Variants in ASMT observed in about 807,000 individuals in gnomAD.
ASMT encodes acetylserotonin O-methyltransferase.
Under a neutral mutation model 41.3 loss-of-function variants are expected in ASMT, and 53 were observed. The ratio of observed to expected loss-of-function variants is 1.28; its 90% CI spans 1.03 to 1.61. The LOEUF (loss-of-function observed/expected upper bound fraction) is 1.61. Ranked by LOEUF, ASMT falls within the 40% of genes most tolerant of loss-of-function variation. The pLI is 0.00. For synonymous variants in ASMT, 231 were observed against 184.8 expected (o/e 1.25, Z -2.03); for missense variants, 531 against 441.3 (o/e 1.20, Z -1.82).
chrX:1,616,848 A>T (rs1461704400), intron 1 of ASMT, among the ~76,000 whole-genome samples: 2 of 151,472 alleles, frequency 1.3e-5, no homozygotes, highest in Non-Finnish European at 3.0e-5. Flanking sequence ...AGCTGGGATT[A>T]CAGGCACCCG....
rs760022911 is a variant in ASMT, at chrX:1,633,183, C to A, written c.680C>A (p.Ser227Tyr). The change falls in exon 7 of 9, where the codon TCT (serine) becomes TAT (tyrosine). Residue 227 changes from serine to tyrosine, a missense_variant. Ser to Tyr is a moderately radical substitution (Grantham distance 144). Coordinates refer to ENST00000381241, the MANE Select transcript of ASMT (RefSeq NM_001171038.2). Reference sequence around the variant, plus strand: ...GGAGCTCTGGCTAAGGAATGCATGTCTCTGTACCCTGGATGTAAGATCACC... The same window carrying A: ...GGAGCTCTGGCTAAGGAATGCATGTATCTGTACCCTGGATGTAAGATCACC... The part of the protein sequence containing the change: ...GAGALAKECM[S>Y]LYPGCKITVF... The A allele has an allele frequency of 2.5e-6, 4 of 1,613,746 alleles. No homozygotes were observed. The highest frequency in any genetic ancestry group is 3.4e-6 in the Non-Finnish European group (4 of 1,179,858).
At chrX:1,620,117 T>G (rs1417819666) in intron 1 of ASMT, among the ~76,000 whole-genome samples, 1 of 122,118 alleles carries the variant, frequency 8.2e-6, no homozygotes, top group African/African-American at 3.0e-5. Flanking sequence ...AATAAATAAA[T>G]AAAAAAGAAA....
chrX:1,623,107 C>T lies in ASMT; in HGVS notation c.70-32C>T, dbSNP rs1569372152. On this transcript the variant is annotated intron_variant, in intron 1 of 8. Transcript: ENST00000381241. ...AGACTGTGGTTCCCAGGAGGCTGAG[C>T]CCTGACCTTTTATTTCCGCTCCTGC... The T allele has an allele frequency of 5.6e-6, 9 of 1,611,628 alleles. No homozygotes were observed. The Admixed American group carries it at 1.5e-4, about 27-fold the overall frequency.
chrX:1,633,980 C>A (rs1465255979), intron 7 of ASMT, among the ~76,000 whole-genome samples: 1 of 151,882 alleles, frequency 6.6e-6, no homozygotes, highest in Non-Finnish European at 1.5e-5. Flanking sequence ...ACCGTGTTGA[C>A]CAGGCTGGTC....
intron 1 of ASMT, among the ~76,000 whole-genome samples, chrX:1,622,712 G>A (rs1465439216): frequency 6.7e-6 from 1 of 149,556 alleles, no homozygotes; most frequent in Non-Finnish European, 1.5e-5. Context: ...AGAAGTTCGA[G>A]ACCAGCCTGG....
chrX:1,630,862 C>A (rs1401192904), intron 5 of ASMT, among the ~76,000 whole-genome samples: 1 of 143,388 alleles, frequency 7.0e-6, no homozygotes, highest in Non-Finnish European at 1.5e-5. Context: ...CCAGGCTGAG[C>A]TGAGCTTGTT....
Position 1,643,077 on chromosome X carries a change from C to T in ASMT, c.*63C>T. 1 of 1,539,234 alleles carries T rather than the reference C, an allele frequency of 6.5e-7. No individual in the cohort carries two copies. Among genetic ancestry groups the T allele is most frequent in the South Asian group, 1.1e-5 (1 of 89,508 alleles). On this transcript the variant is annotated 3_prime_UTR_variant, in exon 9 of 9. Coordinates refer to ENST00000381241, the MANE Select transcript of ASMT (RefSeq NM_001171038.2). ...AAGACATAATAATAAAGACATGTAC[C>T]TCCAGTGGCTTCTTGTTCTTGGTGT...
chrX:1,616,256 T>A (rs1354527529), intron 1 of ASMT, among the ~76,000 whole-genome samples: 2 of 151,428 alleles, frequency 1.3e-5, no homozygotes, highest in African/African-American at 2.4e-5. Flanking sequence ...CTCGAACTCC[T>A]GACCTCAAGT....
chrX:1,615,244 C>T lies in ASMT; in HGVS notation c.45C>T (p.Tyr15=), dbSNP rs146829905. ...AGGCCTATCGCCTCCTTAATGACTA[C>T]GCCAACGGCTTCATGGTGTCCCAGG... The part of the protein sequence containing the change: ...EDQAYRLLND[Y]ANGFMVSQVL... The change falls in exon 1 of 9, where the codon TAC becomes TAT. Residue 15 remains tyrosine (Y), a synonymous_variant. Transcript: ENST00000381241. 207 of 1,597,324 alleles carry T rather than the reference C, an allele frequency of 1.3e-4. No individual in the cohort carries two copies. Among genetic ancestry groups the T allele is most frequent in the African/African-American group, 4.6e-4 (34 of 74,622 alleles).
intron 7 of ASMT, among the ~76,000 whole-genome samples, chrX:1,634,884 T>C (rs6588811): frequency 0.28 from 41,750 of 150,422 alleles, 5,963 homozygotes; most frequent in African/African-American, 0.34. Flanking sequence ...CCAGGCTGGT[T>C]TTGAATTCCT....
intron 1 of ASMT, among the ~76,000 whole-genome samples, chrX:1,621,055 C>T (rs1197204757): frequency 4.6e-5 from 7 of 152,144 alleles, no homozygotes; most frequent in East Asian, 1.9e-4. Flanking sequence ...GAGATTGCAC[C>T]GCTGCACTCC....
rs549054957 is a variant in ASMT at position 1,629,812 on chromosome X, G to C, written c.444-9G>C. The stretch of plus-strand genomic sequence containing the variant: ...TCACCATCTTGACAAGCGTGGTTTT[G>C]CATGCCAGGTCCGAGGGCGAGCGGC... On this transcript the variant is annotated splice_polypyrimidine_tract_variant and intron_variant, in intron 4 of 8. Coordinates refer to ENST00000381241, the MANE Select transcript of ASMT (RefSeq NM_001171038.2). 7 of 1,613,730 alleles carry C rather than the reference G, an allele frequency of 4.3e-6. No homozygotes were observed. The highest frequency in any genetic ancestry group is 4.5e-5 in the East Asian group (2 of 44,872).
intron 1 of ASMT, among the ~76,000 whole-genome samples, chrX:1,619,497 A>G (rs1169467034): frequency 6.7e-5 from 10 of 149,678 alleles, no homozygotes; most frequent in Non-Finnish European, 1.2e-4. Flanking sequence ...TGGCACATGT[A>G]TACCTGTGCA....
chrX:1,617,773 G>A (rs1317419682), intron 1 of ASMT, among the ~76,000 whole-genome samples: 21 of 151,590 alleles, frequency 1.4e-4, no homozygotes, highest in Middle Eastern at 6.9e-3. Context: ...GTTCCAACAC[G>A]CCCAGATAAT....
Position 1,636,639 on chromosome X carries a change from A to C in ASMT, c.910+79A>C, listed in dbSNP as rs1385895066. 2.5e-6 allele frequency: 4 copies of C among 1,609,074 alleles called. No homozygotes were observed. In the African/African-American group the frequency reaches 4.0e-5, roughly 16 times the overall value. On this transcript the variant is annotated intron_variant, in intron 8 of 8. Coordinates refer to ENST00000381241, the MANE Select transcript of ASMT (RefSeq NM_001171038.2). Reference sequence around the variant, plus strand: ...TACGAGTCACATTTAGAAGGCAGGCACTGAAATCATCCCACAGGTAAGGGT... The same window carrying C: ...TACGAGTCACATTTAGAAGGCAGGCCCTGAAATCATCCCACAGGTAAGGGT...
chrX:1,630,055 T>G, intron 5 of ASMT, 116 bp downstream of exon 5: 1 of 974,548 alleles, frequency 1.0e-6, no homozygotes, highest in Non-Finnish European at 1.7e-6. Flanking sequence ...GCGGCCTTAC[T>G]GGTCTTAGAG....
chrX:1,621,893 G>C (rs6644637), intron 1 of ASMT, among the ~76,000 whole-genome samples: 104,272 of 151,474 alleles, frequency 0.69, 37,032 homozygotes, highest in African/African-American at 0.88. Context: ...TGGGGTTTCT[G>C]CACGTTGGTC....
intron 1 of ASMT, among the ~76,000 whole-genome samples, chrX:1,620,216 G>T (rs1157254215): frequency 8.0e-6 from 1 of 125,710 alleles, no homozygotes; most frequent in Non-Finnish European, 1.6e-5. Flanking sequence ...CTGTTGCCCA[G>T]GCTGGAGGGC....
intron 1 of ASMT, among the ~76,000 whole-genome samples, chrX:1,618,051 G>A (rs1463349072): frequency 2.7e-5 from 4 of 150,086 alleles, no homozygotes; most frequent in Non-Finnish European, 4.4e-5. Context: ...CCACTGATAC[G>A]CAGAGCGGCC....
Sources: gnomAD v4.1 joint callset for allele counts (sites outside exome capture counted in the v4.1 genomes callset) on GRCh38, gnomAD v4.1.1 for gene constraint, MANE v1.5 for transcripts, NCBI Gene and HGNC (gene_info 2026-07-23, HGNC 2026-07-21) for gene names.